Variants in ENPP6 observed in about 807,000 individuals in gnomAD.
ENPP6 encodes ectonucleotide pyrophosphatase/phosphodiesterase 6, also known as glycerophosphocholine cholinephosphodiesterase ENPP6.
Under a neutral mutation model 42.0 loss-of-function variants are expected in ENPP6, and 32 were observed. The ratio of observed to expected loss-of-function variants is 0.76; its 90% CI spans 0.58 to 1.02. The LOEUF (loss-of-function observed/expected upper bound fraction) is 1.02. Among genes scored for constraint, ENPP6 ranks in the 50% least tolerant of loss-of-function variants. The pLI, the probability that ENPP6 is intolerant of heterozygous loss-of-function variation, is 0.00. For synonymous variants in ENPP6, 213 were observed against 216.0 expected, an observed-to-expected ratio of 0.99 and a Z score of 0.12; for missense variants, 552 against 566.8, an observed-to-expected ratio of 0.97 and a Z score of 0.27.
chr4:184,147,660 G>T lies in ENPP6; in HGVS notation c.421+5894C>A, dbSNP rs149548532. Among the ~76,000 whole-genome samples, 739 of 152,114 alleles carry T rather than the reference G, an allele frequency of 4.9e-3. 13 individuals carry two copies. The highest frequency in any genetic ancestry group is 0.017 in the African/African-American group (699 of 41,488). Reference sequence around the variant, plus strand: ...TACAAAACGTAAAAAACTTAGCAGGGTGGGGAGGTGTGCCCCTATCATCCC... The same window carrying T: ...TACAAAACGTAAAAAACTTAGCAGGTTGGGGAGGTGTGCCCCTATCATCCC... On this transcript the variant is annotated intron_variant, in intron 2 of 7. Coordinates refer to ENST00000296741, the MANE Select transcript of ENPP6 (RefSeq NM_153343.4).
intron 2 of ENPP6, among the ~76,000 whole-genome samples, chr4:184,142,285 C>T (rs553569149): frequency 8.5e-4 from 130 of 152,356 alleles, no homozygotes; most frequent in Non-Finnish European, 1.6e-3. Flanking sequence ...AACCCCTGTG[C>T]GCTGCATTTT....
chr4:184,146,053 C>T (rs1736914084), intron 2 of ENPP6, among the ~76,000 whole-genome samples: 1 of 147,266 alleles, frequency 6.8e-6, no homozygotes, highest in Admixed American at 6.8e-5. Context: ...AGTTTGTCTG[C>T]TGTTACTTAC....
chr4:184,132,396 AC>A (rs1362019511), intron 2 of ENPP6, among the ~76,000 whole-genome samples: 1 of 89,092 alleles, frequency 1.1e-5, no homozygotes, highest in Non-Finnish European at 2.8e-5. Context: ...TATTGAGTTG[AC>A]TTTTTCCTTT....
intron 3 of ENPP6, among the ~76,000 whole-genome samples, chr4:184,122,825 T>G (rs541448696): frequency 6.0e-4 from 92 of 152,338 alleles, no homozygotes; most frequent in African/African-American, 1.8e-3. Flanking sequence ...TGGGGATGGC[T>G]GGCATTCTGG....
rs142818755 is a variant in ENPP6, at chr4:184,097,364, C to G, written c.998G>C (p.Arg333Pro). ...GTTCATCCAAAACGGAAGCATCTCT[C>G]GATTCTGAAACCAAGCAAGGCAGAC... is the stretch of plus-strand genomic sequence containing the variant. ...ADEGWFITEN[R>P]EMLPFWMNST... The change falls in exon 7 of 8, where the codon CGA becomes CCA. Residue 333 changes from arginine to proline, a missense_variant. By Grantham distance (103) the Arg-to-Pro change is moderately radical. Around this residue, in one of 2 missense-constraint regions of ENPP6, gnomAD observed 545 missense variants for 546.3 expected, o/e 1.00. Transcript: ENST00000296741. 3.7e-6 allele frequency: 6 copies of G among 1,613,982 alleles called. No homozygotes were observed. Among genetic ancestry groups the G allele is most frequent in the Non-Finnish European group, 5.1e-6 (6 of 1,180,010 alleles).
chr4:184,145,182 G>A (rs562565317), intron 2 of ENPP6, among the ~76,000 whole-genome samples: 7 of 152,218 alleles, frequency 4.6e-5, no homozygotes, highest in Non-Finnish European at 8.8e-5. Flanking sequence ...TGAGTGCAGC[G>A]TTGCATGTGG....
chr4:184,203,535 T>A (rs1419611147), intron 1 of ENPP6, among the ~76,000 whole-genome samples: 1 of 152,126 alleles, frequency 6.6e-6, no homozygotes, highest in Non-Finnish European at 1.5e-5. Flanking sequence ...GCTGGTGTCC[T>A]TACAAGAAGG....
At chr4:184,118,052 G>T in intron 3 of ENPP6, 152 bp from the exon 4 acceptor site, 1 of 945,990 alleles carries the variant, frequency 1.1e-6, no homozygotes, top group Non-Finnish European at 1.5e-6. Context: ...AATGAGGTCA[G>T]ATCTCCAAGG....
intron 2 of ENPP6, among the ~76,000 whole-genome samples, chr4:184,132,298 T>G (rs1010094259): frequency 1.3e-5 from 2 of 152,196 alleles, no homozygotes; most frequent in African/African-American, 4.8e-5. Context: ...ATTTTGCTTT[T>G]TTTTTTGCTA....
intron 1 of ENPP6, among the ~76,000 whole-genome samples, chr4:184,201,821 G>C (rs1732909414): frequency 6.6e-6 from 1 of 151,862 alleles, no homozygotes; most frequent in Non-Finnish European, 1.5e-5. Flanking sequence ...CGCCTACCAT[G>C]CCTGCTTCTT....
At chr4:184,163,323 T>C (rs1436040689) in intron 1 of ENPP6, among the ~76,000 whole-genome samples, 1 of 152,144 alleles carries the variant, frequency 6.6e-6, no homozygotes, top group Non-Finnish European at 1.5e-5. Flanking sequence ...CCTTTGTATA[T>C]ATTGGGGGTA....
intron 2 of ENPP6, among the ~76,000 whole-genome samples, chr4:184,131,754 T>C (rs1736638802): frequency 6.6e-6 from 1 of 151,662 alleles, no homozygotes; most frequent in Admixed American, 6.6e-5. Flanking sequence ...CATTTCAGTG[T>C]CTGTGACTAT....
intron 2 of ENPP6, among the ~76,000 whole-genome samples, chr4:184,128,208 T>A (rs1736536526): frequency 6.6e-6 from 1 of 152,146 alleles, no homozygotes; most frequent in Admixed American, 6.6e-5. Flanking sequence ...TGAGGCAGAG[T>A]CTCACTCTGT....
In ENPP6 at chr4:184,217,677, G is replaced by A. The variant is rs1381944233; in HGVS notation, c.143C>T (p.Pro48Leu). The A allele has an allele frequency of 1.9e-6, 3 of 1,614,208 alleles. No homozygotes were observed. The highest frequency in any genetic ancestry group is 1.3e-5 in the African/African-American group (1 of 75,048). Residue 48 changes from proline (P) to leucine (L), a missense_variant, in exon 1 of 8, where the codon CCT becomes CTT. By Grantham distance (98) the Pro-to-Leu change is moderately conservative. Coordinates refer to ENST00000296741, the MANE Select transcript of ENPP6 (RefSeq NM_153343.4). ...YISDEALESL[P>L]GFKEIVSRGV... ...CCTGCTCACAATCTCTTTGAAACCA[G>A]GCAATGACTCCAGCGCCTCATCACT...
At chr4:184,181,056 G>A (rs372308056) in intron 1 of ENPP6, among the ~76,000 whole-genome samples, 30 of 152,138 alleles carry the variant, frequency 2.0e-4, no homozygotes, top group Non-Finnish European at 7.4e-5. Context: ...AATAAGAAGA[G>A]AGGAAATCAA....
chr4:184,167,720 C>T (rs998326333), intron 1 of ENPP6, among the ~76,000 whole-genome samples: 1 of 152,168 alleles, frequency 6.6e-6, no homozygotes, highest in Admixed American at 6.5e-5. Context: ...CGGCCTCGGG[C>T]CAGGTGCGCC....
At chr4:184,193,973 G>A (rs1458912860) in intron 1 of ENPP6, among the ~76,000 whole-genome samples, 1 of 152,102 alleles carries the variant, frequency 6.6e-6, no homozygotes, top group Non-Finnish European at 1.5e-5. Flanking sequence ...CTTTGGCCTT[G>A]CTGAGATCCT....
At chr4:184,152,185 C>T (rs1421063836) in intron 2 of ENPP6, among the ~76,000 whole-genome samples, 2 of 152,158 alleles carry the variant, frequency 1.3e-5, no homozygotes, top group African/African-American at 2.4e-5. Flanking sequence ...CGCGCCACGC[C>T]GCACCACAGC....
chr4:184,116,077 G>T (rs983857716), intron 5 of ENPP6, among the ~76,000 whole-genome samples: 1 of 152,012 alleles, frequency 6.6e-6, no homozygotes, highest in Admixed American at 6.5e-5. Flanking sequence ...AAAAAAATTA[G>T]CTGGGCATGG....
Sources: allele counts gnomAD v4.1 joint callset (sites outside exome capture counted in the v4.1 genomes callset), GRCh38; gene constraint gnomAD v4.1.1; regional missense constraint gnomAD v4.1.1; transcripts MANE v1.5; gene names NCBI Gene and HGNC (gene_info 2026-07-23, HGNC 2026-07-21).